The following EFCAB6 variants were observed in gnomAD, a reference collection of about 807,000 sequenced individuals.
EFCAB6 encodes EF-hand calcium-binding domain-containing protein 6.
A neutral mutation model predicts 169.8 loss-of-function variants in EFCAB6; 156 were observed. The ratio of observed to expected loss-of-function variants is 0.92; its 90% CI spans 0.81 to 1.05. The LOEUF is 1.05. EFCAB6 is among the 50% of genes least tolerant of loss of function. The pLI is 0.00. For missense variants in EFCAB6, 1,800 were observed against 1,829.1 expected (o/e 0.98, Z 0.29); for synonymous variants, 698 against 676.4 (o/e 1.03, Z -0.50).
At chr22:43,803,098 T>A (rs2062788767) in intron 2 of EFCAB6, among the ~76,000 whole-genome samples, 2 of 152,220 alleles carry the variant, frequency 1.3e-5, no homozygotes, top group African/African-American at 4.8e-5. Context: ...ATGTCCTCTT[T>A]TCTCTTTCCA....
At chr22:43,672,949 C>T (rs1399271564) in intron 13 of EFCAB6, among the ~76,000 whole-genome samples, 1 of 152,072 alleles carries the variant, frequency 6.6e-6, no homozygotes, top group Non-Finnish European at 1.5e-5. Flanking sequence ...AAACCCATCA[C>T]CTAGAAATTA....
chr22:43,726,770 G>A (rs7288494), intron 8 of EFCAB6, among the ~76,000 whole-genome samples: 55,842 of 152,128 alleles, frequency 0.37, 10,856 homozygotes, highest in African/African-American at 0.47. Context: ...GTGCAGAGAA[G>A]ACACCAAGCT....
chr22:43,780,954 C>T (rs2061803505), intron 3 of EFCAB6, among the ~76,000 whole-genome samples: 1 of 152,212 alleles, frequency 6.6e-6, no homozygotes, highest in Non-Finnish European at 1.5e-5. Context: ...TCATGCAGTG[C>T]TTTGTAAGTG....
chr22:43,596,446 TGTTAACA>T (rs2052014545), intron 23 of EFCAB6, among the ~76,000 whole-genome samples: 2 of 152,036 alleles, frequency 1.3e-5, no homozygotes, highest in Admixed American at 1.3e-4. Flanking sequence ...CATTTCTATA[TGTTAACA>T]GTGATCAATC....
chr22:43,719,309 C>G (rs979928658), intron 8 of EFCAB6, among the ~76,000 whole-genome samples: 2 of 152,136 alleles, frequency 1.3e-5, no homozygotes, highest in Non-Finnish European at 2.9e-5. Context: ...ATGATGCTAC[C>G]CAATGTGAAA....
chr22:43,699,416 G>T (rs776440726), intron 10 of EFCAB6, among the ~76,000 whole-genome samples: 2 of 152,080 alleles, frequency 1.3e-5, no homozygotes, highest in Non-Finnish European at 2.9e-5. Context: ...GGCCTAGGAG[G>T]GATCCTGGCT....
At chr22:43,648,021 T>C (rs1181210543) in intron 17 of EFCAB6, among the ~76,000 whole-genome samples, 1 of 152,186 alleles carries the variant, frequency 6.6e-6, no homozygotes, top group Non-Finnish European at 1.5e-5. Context: ...CCTAGGAAAC[T>C]ATTAGTTTCC....
chr22:43,606,894 CA>C (rs1255496300), intron 22 of EFCAB6, among the ~76,000 whole-genome samples: 1 of 152,236 alleles, frequency 6.6e-6, no homozygotes, highest in Non-Finnish European at 1.5e-5. Flanking sequence ...TCATTTCCCA[CA>C]TGGCAACCCT....
intron 23 of EFCAB6, among the ~76,000 whole-genome samples, chr22:43,590,552 G>A (rs559835355): frequency 6.6e-6 from 1 of 152,280 alleles, no homozygotes; most frequent in South Asian, 2.1e-4. Flanking sequence ...ATATAGACAT[G>A]TGAAATACAC....
chr22:43,806,949 T>C (rs1156825312), intron 2 of EFCAB6, among the ~76,000 whole-genome samples: 3 of 152,226 alleles, frequency 2.0e-5, no homozygotes, highest in Non-Finnish European at 4.4e-5. Flanking sequence ...GCTGCAGATG[T>C]GGTGGGTAAA....
At chr22:43,629,294 C>T (rs760184539) in intron 19 of EFCAB6, among the ~76,000 whole-genome samples, 4 of 152,188 alleles carry the variant, frequency 2.6e-5, no homozygotes, top group South Asian at 2.1e-4. Flanking sequence ...GGAATCGAGC[C>T]GGTGTTATTT....
At position 43,590,165 on chromosome 22, in the gene EFCAB6, T is replaced by C; in HGVS notation, c.2941A>G (p.Thr981Ala). 6.2e-7 allele frequency: 1 copy of C among 1,614,162 alleles called. No homozygotes were observed. The highest frequency in any genetic ancestry group is 8.5e-7 in the Non-Finnish European group (1 of 1,180,022). Residue 981 changes from threonine (T) to alanine (A), a missense_variant, in exon 24 of 32, where the codon ACC becomes GCC. Thr to Ala is a moderately conservative substitution (Grantham distance 58). Coordinates refer to ENST00000262726, the MANE Select transcript of EFCAB6 (RefSeq NM_022785.4). ...KAFTKTDQSK[T>A]NYISICKMQE... is the part of the protein sequence containing the mutation. ...ATCTTGCATATGGATATGTAGTTGG[T>C]TTTGGATTGATCAGTTTTGGTGAAT...
intron 8 of EFCAB6, among the ~76,000 whole-genome samples, chr22:43,723,567 T>C (rs959598903): frequency 2.0e-5 from 3 of 152,232 alleles, no homozygotes; most frequent in Non-Finnish European, 4.4e-5. Flanking sequence ...TAAATTTTTT[T>C]AAATTATCAG....
intron 12 of EFCAB6, among the ~76,000 whole-genome samples, chr22:43,679,770 G>C (rs1038139403): frequency 1.3e-4 from 19 of 151,986 alleles, no homozygotes; most frequent in African/African-American, 4.3e-4. Flanking sequence ...AGATTGTATT[G>C]GCTGTTCACA....
chr22:43,787,952 A>G (rs1344063041), intron 2 of EFCAB6, among the ~76,000 whole-genome samples: 1 of 152,214 alleles, frequency 6.6e-6, no homozygotes, highest in African/African-American at 2.4e-5. Flanking sequence ...AAACTTTTAC[A>G]TTTATCATTA....
At chr22:43,727,556 C>A (rs377350598) in intron 8 of EFCAB6, among the ~76,000 whole-genome samples, 1 of 152,112 alleles carries the variant, frequency 6.6e-6, no homozygotes, top group East Asian at 1.9e-4. Flanking sequence ...ACAACAGGAG[C>A]GTAGCAATGT....
rs377358527 is a variant in EFCAB6 at position 43,744,553 on chromosome 22, C to T, written c.508-8560G>A. On this transcript the variant is annotated intron_variant, in intron 6 of 31. Transcript: ENST00000262726. The surrounding 1 kb of genome is among the most constrained non-coding windows in gnomAD (Gnocchi z 4.3). ...GTAGAAATCTTGAGCTGTCCTGTTCCCAAGGGACTGCTCATCAGGGAAGGG... is the reference window on the plus strand; with the variant it reads ...GTAGAAATCTTGAGCTGTCCTGTTCTCAAGGGACTGCTCATCAGGGAAGGG... Among the ~76,000 whole-genome samples, 93 of 152,152 alleles carry T rather than the reference C, an allele frequency of 6.1e-4. No homozygotes were observed. In the East Asian group the frequency reaches 0.013, roughly 22 times the overall value.
chr22:43,531,101 G>C (rs926706076), intron 30 of EFCAB6, 137 bp from the exon 31 acceptor site: 2 of 1,174,466 alleles, frequency 1.7e-6, no homozygotes, highest in East Asian at 4.9e-5. Context: ...GCTCTGAATC[G>C]AGGAGGGAGC....
At chr22:43,678,626 G>A (rs1402779286) in intron 12 of EFCAB6, among the ~76,000 whole-genome samples, 1 of 152,040 alleles carries the variant, frequency 6.6e-6, no homozygotes, top group Non-Finnish European at 1.5e-5. Context: ...TCCACCAACA[G>A]TCTCATCCAT....
Sources: allele counts gnomAD v4.1 joint callset (sites outside exome capture counted in the v4.1 genomes callset), GRCh38; gene constraint gnomAD v4.1.1; non-coding constraint Gnocchi (gnomAD v3.1); transcripts MANE v1.5; gene names NCBI Gene and HGNC (gene_info 2026-07-23, HGNC 2026-07-21).